The following FXYD2 variants were observed in gnomAD, a reference collection of about 807,000 sequenced individuals.
FXYD2 encodes the protein sodium/potassium-transporting ATPase subunit gamma.
In FXYD2, 8 loss-of-function variants were observed where a neutral mutation model predicts 11.8. The ratio of observed to expected loss-of-function variants is 0.68; its 90% CI spans 0.40 to 1.22. FXYD2 has a LOEUF of 1.22. FXYD2 is among the 50% of genes most tolerant of loss of function. The pLI is 0.01. For synonymous variants in FXYD2, 42 were observed against 33.3 expected (o/e 1.26, Z -0.90); for missense variants, 92 against 91.8 (o/e 1.00, Z -0.01).
At chr11:117,827,759 A>T (rs1187405783), upstream of FXYD2, among the ~76,000 whole-genome samples, 1 of 152,212 alleles carries the variant, frequency 6.6e-6, no homozygotes, top group Non-Finnish European at 1.5e-5. Flanking sequence ...ACAGACAAGT[A>T]AATGAGGCAG....
rs138991613 is a variant in FXYD2, at chr11:117,822,435, G to T, written c.110C>A (p.Ala37Asp). ...GAGGATGAGGAGCCCCACGATGAAG[G>T]CCAGTCCAGCGAAGATCAGGCCCCC... ...RNGGLIFAGL[A>D]FIVGLLILLS... is the part of the protein sequence containing the mutation. The change falls in exon 3 of 6, where the codon GCC (alanine) becomes GAC (aspartate). Residue 37 changes from alanine (A) to aspartate (D), a missense_variant. Physicochemically the swap from Ala to Asp is moderately radical, Grantham distance 126. Coordinates refer to ENST00000292079, the MANE Select transcript of FXYD2 (RefSeq NM_001680.5). This position sits in a 1 kb window ranked among gnomAD's most constrained non-coding sequence, Gnocchi z 4.7. The T allele has an allele frequency of 7.0e-4, 1,100 of 1,562,680 alleles. 2 individuals carry two copies. Among genetic ancestry groups the T allele is most frequent in the South Asian group, 8.1e-4 (69 of 84,796 alleles).
At chr11:117,826,037 C>A (rs774703911), upstream of FXYD2, among the ~76,000 whole-genome samples, 2 of 152,296 alleles carry the variant, frequency 1.3e-5, no homozygotes, top group Admixed American at 6.5e-5. Context: ...GCGCAGTACC[C>A]AGCTCCTAGG....
intron 1 of FXYD2, among the ~76,000 whole-genome samples, chr11:117,823,425 A>G (rs554035142): frequency 4.1e-4 from 63 of 152,234 alleles, no homozygotes; most frequent in Admixed American, 9.2e-4. Context: ...ACAGCAAGTC[A>G]GGGGTAGAGC....
upstream of FXYD2, among the ~76,000 whole-genome samples, chr11:117,826,778 G>GTCTATCTGTCTGTCTGTCTA (rs1555040290): frequency 8.7e-5 from 11 of 125,876 alleles, no homozygotes; most frequent in South Asian, 8.4e-4. Context: ...CTGTCTGTCT[G>GTCTATCTGTCTGTCTGTCTA]TCTATCTATC....
At chr11:117,827,032 G>A (rs575542759), upstream of FXYD2, among the ~76,000 whole-genome samples, 17 of 151,972 alleles carry the variant, frequency 1.1e-4, no homozygotes, top group Admixed American at 9.8e-4. Context: ...CTGCGGGGGG[G>A]AGGAGGTGCA....
upstream of FXYD2, among the ~76,000 whole-genome samples, chr11:117,826,597 T>G (rs2056040060): frequency 6.6e-6 from 1 of 152,214 alleles, no homozygotes; most frequent in Non-Finnish European, 1.5e-5. Context: ...CAAGATGTGC[T>G]ACCAAAGCTA....
chr11:117,826,511 C>T (rs528794403), upstream of FXYD2, among the ~76,000 whole-genome samples: 92 of 152,236 alleles, frequency 6.0e-4, no homozygotes, highest in Middle Eastern at 3.4e-3. Flanking sequence ...CCAGAAAAAA[C>T]GAGGGCAGGA....
At chr11:117,823,429 G>A (rs908736692) in intron 1 of FXYD2, among the ~76,000 whole-genome samples, 3 of 152,262 alleles carry the variant, frequency 2.0e-5, no homozygotes, top group Non-Finnish European at 4.4e-5. Context: ...CAAGTCAGGG[G>A]TAGAGCTGGT....
rs757298055 is a variant in FXYD2 at position 117,822,362 on chromosome 11, G to C, written c.139+44C>G. The C allele has an allele frequency of 3.2e-6, 5 of 1,550,840 alleles. No homozygotes were observed. The Admixed American group carries it at 9.8e-5, about 30-fold the overall frequency. ...CCTGCTCAGCGGCCTTGAGAAGAGAGGTGCCCTGGTCAGCACCCCTTCCCT... is the reference window on the plus strand; with the variant it reads ...CCTGCTCAGCGGCCTTGAGAAGAGACGTGCCCTGGTCAGCACCCCTTCCCT... On this transcript the variant is annotated intron_variant, in intron 3 of 5. Coordinates refer to ENST00000292079, the MANE Select transcript of FXYD2 (RefSeq NM_001680.5). The surrounding 1 kb of genome is among the most constrained non-coding windows in gnomAD (Gnocchi z 4.7).
At chr11:117,823,645 G>C (rs981335114) in intron 1 of FXYD2, among the ~76,000 whole-genome samples, 1 of 152,210 alleles carries the variant, frequency 6.6e-6, no homozygotes, top group African/African-American at 2.4e-5. Context: ...ACAGCCAGAC[G>C]GTGGCCTGGC....
upstream of FXYD2, among the ~76,000 whole-genome samples, chr11:117,825,967 G>C (rs912455898): frequency 6.6e-6 from 1 of 152,150 alleles, no homozygotes; most frequent in Non-Finnish European, 1.5e-5. Context: ...CTTGCTAATG[G>C]TGTGGTCTCA....
In FXYD2 at chr11:117,822,594, G is replaced by T. The variant is rs1352351310; in HGVS notation, c.64+85C>A. 9 of 1,574,970 alleles carry T rather than the reference G, an allele frequency of 5.7e-6. No individual in the cohort carries two copies. Among genetic ancestry groups the T allele is most frequent in the Non-Finnish European group, 7.8e-6 (9 of 1,160,542 alleles). On this transcript the variant is annotated intron_variant, in intron 2 of 5. Transcript: ENST00000292079. This position sits in a 1 kb window ranked among gnomAD's most constrained non-coding sequence, Gnocchi z 4.7. ...AACCAGGGGAGATAAGGGGCACAGA[G>T]CATGGACCTGGGGCTGGGAGAGGCC...
chr11:117,821,390 A>G (rs1414269433), intron 3 of FXYD2: 3 of 987,132 alleles, frequency 3.0e-6, no homozygotes, highest in Non-Finnish European at 3.6e-6. Flanking sequence ...GCTGGACCAT[A>G]GGCATTTAAG....
chr11:117,826,320 T>C (rs1487958954), upstream of FXYD2, among the ~76,000 whole-genome samples: 1 of 152,052 alleles, frequency 6.6e-6, no homozygotes, highest in Non-Finnish European at 1.5e-5. Flanking sequence ...AGCCAAGAAA[T>C]ATATATTCGT....
upstream of FXYD2, among the ~76,000 whole-genome samples, chr11:117,825,496 G>A (rs57703856): frequency 0.084 from 12,797 of 152,190 alleles, 573 homozygotes; most frequent in Middle Eastern, 0.11. Flanking sequence ...AACCCCCTGC[G>A]TTTATGGTTT....
At chr11:117,827,111 GATAGAT>G (rs1477279312), upstream of FXYD2, among the ~76,000 whole-genome samples, 4 of 129,864 alleles carry the variant, frequency 3.1e-5, no homozygotes, top group South Asian at 2.5e-4. Flanking sequence ...TAGATAGATA[GATAGAT>G]AGATAGATAG....
chr11:117,824,845 G>T, upstream of FXYD2: 1 of 853,616 alleles, frequency 1.2e-6, no homozygotes, highest in East Asian at 2.7e-5. This position sits in a 1 kb window ranked among gnomAD's most constrained non-coding sequence, Gnocchi z 4.0. Context: ...CAGTGTGGAT[G>T]GAGGGGCTCC....
upstream of FXYD2, among the ~76,000 whole-genome samples, chr11:117,827,410 T>C (rs2845940): frequency 0.96 from 146,874 of 152,228 alleles, 71,036 homozygotes; most frequent in Middle Eastern, 1. Context: ...CCACCAAGCC[T>C]GGCTAGTTTT....
At position 117,824,448 on chromosome 11, in the gene FXYD2, GCTAT is replaced by G; in HGVS notation, c.25+202_25+205del. 1.6e-6 allele frequency: 1 copy of G among 636,864 alleles called. No individual in the cohort carries two copies. Among genetic ancestry groups the G allele is most frequent in the Non-Finnish European group, 2.8e-6 (1 of 351,272 alleles). 39.5% of individuals were successfully genotyped at this position (636,864 alleles called of 1,614,324 possible). On this transcript the variant is annotated intron_variant, in intron 1 of 5. Coordinates refer to ENST00000292079, the MANE Select transcript of FXYD2 (RefSeq NM_001680.5). This position sits in a 1 kb window ranked among gnomAD's most constrained non-coding sequence, Gnocchi z 4.0. ...TATCTGCTGCCTTTCTGCCACTCAA[GCTAT>G]CTTTCTTTGGGGTTAAAGCAGGGTC... is the stretch of plus-strand genomic sequence containing the variant.
Sources: allele counts gnomAD v4.1 joint callset (sites outside exome capture counted in the v4.1 genomes callset), GRCh38; gene constraint gnomAD v4.1.1; non-coding constraint Gnocchi (gnomAD v3.1); transcripts MANE v1.5; gene names NCBI Gene and HGNC (gene_info 2026-07-23, HGNC 2026-07-21).